Variants in MID1 observed in about 807,000 individuals in gnomAD.
The protein encoded by MID1 is E3 ubiquitin-protein ligase Midline-1.
MID1 carries 7 observed loss-of-function variants against 40.4 expected under a neutral mutation model. That is an observed-to-expected ratio of 0.17 (90% CI 0.10 to 0.33). The LOEUF is 0.33. Ranked by LOEUF, MID1 falls within the 10% of genes least tolerant of loss-of-function variation. MID1 has a pLI of 1.00. For synonymous variants in MID1, 229 were observed against 221.2 expected (o/e 1.04, Z -0.31); for missense variants, 367 against 558.5 (o/e 0.66, Z 3.46).
intron 1 of MID1, among the ~76,000 whole-genome samples, chrX:10,752,952 C>T (rs1055345576): frequency 8.9e-6 from 1 of 112,305 alleles, no homozygotes; most frequent in Non-Finnish European, 1.9e-5. Context: ...GATGGACCCT[C>T]CTCCTCGGGA....
intron 2 of MID1, among the ~76,000 whole-genome samples, chrX:10,553,953 T>C (rs1402946041): frequency 9.0e-6 from 1 of 111,724 alleles, no homozygotes; most frequent in African/African-American, 3.3e-5. Context: ...GTTTGGACCA[T>C]AGTTGTTTCT....
At chrX:10,680,550 T>C (rs2043052174) in intron 1 of MID1, among the ~76,000 whole-genome samples, 1 of 112,154 alleles carries the variant, frequency 8.9e-6, no homozygotes, top group African/African-American at 3.2e-5. Context: ...TACTCAGTGA[T>C]CTTTCCTTTT....
At chrX:10,533,376 G>A (rs79933911) in intron 2 of MID1, among the ~76,000 whole-genome samples, 226 of 32,028 alleles carry the variant, frequency 7.1e-3, no homozygotes, top group Middle Eastern at 0.019. Context: ...AAGAAAGAAA[G>A]AAAAAGAAAG....
intron 3 of MID1, among the ~76,000 whole-genome samples, chrX:10,516,386 G>A (rs1932413223): frequency 9.3e-6 from 1 of 108,031 alleles, no homozygotes; most frequent in Non-Finnish European, 1.9e-5. Context: ...AGTAGAGACA[G>A]GGTTTCACCG....
chrX:10,650,854 T>C (rs1472834264), intron 1 of MID1, among the ~76,000 whole-genome samples: 1 of 110,779 alleles, frequency 9.0e-6, no homozygotes, highest in Non-Finnish European at 1.9e-5. Flanking sequence ...GCTTTCCCTT[T>C]GCCCCTACAA....
At chrX:10,742,718 A>C (rs969269681) in intron 1 of MID1, among the ~76,000 whole-genome samples, 1 of 112,506 alleles carries the variant, frequency 8.9e-6, no homozygotes, top group African/African-American at 3.2e-5. Context: ...TAACATCTTA[A>C]CATAAGTGGC....
At chrX:10,820,250 A>C (rs1386491799) in intron 1 of MID1, among the ~76,000 whole-genome samples, 1 of 112,354 alleles carries the variant, frequency 8.9e-6, no homozygotes, top group Non-Finnish European at 1.9e-5. Flanking sequence ...AGGAAAGAGC[A>C]GACCCTGGCA....
intron 1 of MID1, among the ~76,000 whole-genome samples, 195 bp downstream of exon 1, chrX:10,620,095 G>A (rs886106264): frequency 8.9e-6 from 1 of 112,270 alleles, no homozygotes; most frequent in Non-Finnish European, 1.9e-5. Flanking sequence ...GGCGGGTGGC[G>A]AGGACCAGAC....
At chrX:10,832,940 G>C (rs1009169557) in intron 1 of MID1, among the ~76,000 whole-genome samples, 8 of 112,051 alleles carry the variant, frequency 7.1e-5, no homozygotes, top group African/African-American at 2.6e-4. Flanking sequence ...CACCGTTCTC[G>C]CCATATATAT....
At chrX:10,580,871 G>C (rs1934994590) in intron 1 of MID1, among the ~76,000 whole-genome samples, 1 of 104,965 alleles carries the variant, frequency 9.5e-6, no homozygotes, top group African/African-American at 3.5e-5. Context: ...TAAGCCCTGA[G>C]CTCAGTGTGC....
chrX:10,827,909 C>T (rs1456876497), intron 1 of MID1, among the ~76,000 whole-genome samples: 2 of 110,946 alleles, frequency 1.8e-5, no homozygotes, highest in Non-Finnish European at 3.8e-5. Flanking sequence ...TATTTATGCA[C>T]AGGGGGAGAC....
Position 10,469,765 on chromosome X carries a change from T to C in MID1, c.1217A>G (p.Asp406Gly), listed in dbSNP as rs1224524115. ...GTAGGAGACCACGCTGAACTCATCA[T>C]CGGAGGTCCAATGCACAGTGATGGT... is the stretch of plus-strand genomic sequence containing the variant. ...YDTITVHWTS[D>G]DEFSVVSYEL... is the part of the protein sequence containing the mutation. The change falls in exon 7 of 10, where the codon GAT becomes GGT. Residue 406 changes from aspartate (D) to glycine (G), a missense_variant. Around this residue, in one of 3 missense-constraint regions of MID1, gnomAD observed 275 missense variants for 383.1 expected, o/e 0.72. Coordinates refer to ENST00000317552, the MANE Select transcript of MID1 (RefSeq NM_000381.4). 8.3e-7 allele frequency: 1 copy of C among 1,209,103 alleles called. No individual in the cohort carries two copies. Among genetic ancestry groups the C allele is most frequent in the African/African-American group, 1.8e-5 (1 of 57,118 alleles).
chrX:10,506,463 G>C (rs1931844366), intron 3 of MID1: 1 of 561,581 alleles, frequency 1.8e-6, no homozygotes, highest in East Asian at 3.6e-5. Context: ...GGCAACTCTG[G>C]GAAACAGTAC....
intron 1 of MID1, among the ~76,000 whole-genome samples, chrX:10,706,720 C>T (rs2147086212): frequency 9.0e-6 from 1 of 111,411 alleles, no homozygotes; most frequent in Non-Finnish European, 1.9e-5. Context: ...TAAGAATGGA[C>T]TATTACAATA....
intron 1 of MID1, among the ~76,000 whole-genome samples, chrX:10,685,214 T>C (rs755839567): frequency 8.9e-6 from 1 of 112,073 alleles, no homozygotes; most frequent in African/African-American, 3.2e-5. Flanking sequence ...AGTATTAATT[T>C]TTTCTATTGC....
chrX:10,638,633 T>G (rs1936150063), intron 1 of MID1, among the ~76,000 whole-genome samples: 1 of 112,068 alleles, frequency 8.9e-6, no homozygotes, highest in Admixed American at 9.4e-5. Context: ...TAAATGTCCC[T>G]GTCTGACAGC....
At chrX:10,651,378 A>C (rs1936314971) in intron 1 of MID1, among the ~76,000 whole-genome samples, 1 of 112,105 alleles carries the variant, frequency 8.9e-6, no homozygotes, top group African/African-American at 3.2e-5. Flanking sequence ...CAGATGTTGG[A>C]GAGTACTAGC....
intron 1 of MID1, among the ~76,000 whole-genome samples, chrX:10,701,147 G>A (rs2043191632): frequency 8.9e-6 from 1 of 111,979 alleles, no homozygotes; most frequent in African/African-American, 3.2e-5. Context: ...AAAGGTTAGA[G>A]CAACATGGCT....
chrX:10,550,734 ACTAT>A (rs1430237207), intron 2 of MID1, among the ~76,000 whole-genome samples: 7 of 111,684 alleles, frequency 6.3e-5, no homozygotes, highest in African/African-American at 2.3e-4. Flanking sequence ...GGGCTGGATG[ACTAT>A]CTGTCTGGGG....
Sources: allele counts gnomAD v4.1 joint callset (sites outside exome capture counted in the v4.1 genomes callset), GRCh38; gene constraint gnomAD v4.1.1; regional missense constraint gnomAD v4.1.1; transcripts MANE v1.5; gene names NCBI Gene and HGNC (gene_info 2026-07-23, HGNC 2026-07-21).